The following CEP128 variants were observed in gnomAD, a reference collection of about 807,000 sequenced individuals.
CEP128 encodes the protein centrosomal protein 128, also known as centrosomal protein 128kDa.
Under a neutral mutation model 156.7 loss-of-function variants are expected in CEP128, and 132 were observed. The ratio of observed to expected loss-of-function variants is 0.84; its 90% CI spans 0.73 to 0.97. CEP128 has a LOEUF of 0.97. Among genes scored for constraint, CEP128 ranks in the 50% least tolerant of loss-of-function variants. CEP128 has a pLI of 0.00. For synonymous variants in CEP128, 469 were observed against 448.9 expected (o/e 1.04, Z -0.57); for missense variants, 1,252 against 1,281.9 (o/e 0.98, Z 0.36).
intron 8 of CEP128, among the ~76,000 whole-genome samples, chr14:80,895,284 C>A (rs1889292947): frequency 6.6e-6 from 1 of 152,000 alleles, no homozygotes. Flanking sequence ...GTCTTTGTAG[C>A]AATTGTAATT....
chr14:80,530,498 G>A (rs1889175398), intron 22 of CEP128, among the ~76,000 whole-genome samples: 1 of 152,196 alleles, frequency 6.6e-6, no homozygotes, highest in Non-Finnish European at 1.5e-5. Flanking sequence ...GTTATCTATT[G>A]TCAGTGTAAT....
intron 22 of CEP128, among the ~76,000 whole-genome samples, chr14:80,528,440 C>T (rs535450106): frequency 1.3e-5 from 2 of 152,322 alleles, no homozygotes; most frequent in South Asian, 4.1e-4. Context: ...AGGCATGTGC[C>T]ATCACGCCCA....
intron 8 of CEP128, among the ~76,000 whole-genome samples, chr14:80,882,177 C>T (rs1474655503): frequency 3.3e-5 from 5 of 151,064 alleles, no homozygotes; most frequent in Non-Finnish European, 7.4e-5. Flanking sequence ...ATTCATCTGA[C>T]AATAAATTAA....
intron 1 of CEP128, among the ~76,000 whole-genome samples, chr14:80,958,610 G>GA (rs1175176215): frequency 1.3e-5 from 2 of 152,132 alleles, no homozygotes; most frequent in Non-Finnish European, 2.9e-5. Context: ...AGAGAGGCAA[G>GA]GAGGACAAGA....
intron 19 of CEP128, among the ~76,000 whole-genome samples, chr14:80,613,158 T>C (rs1893067486): frequency 1.3e-5 from 2 of 151,758 alleles, no homozygotes; most frequent in South Asian, 4.2e-4. Flanking sequence ...GCCCGGCCCA[T>C]TGCTCTTCCA....
chr14:80,884,416 AC>A (rs756224542), intron 8 of CEP128, among the ~76,000 whole-genome samples: 20 of 152,212 alleles, frequency 1.3e-4, no homozygotes, highest in Non-Finnish European at 2.1e-4. Flanking sequence ...AGAAAGGCCA[AC>A]ACAGAAGGTG....
intron 19 of CEP128, among the ~76,000 whole-genome samples, chr14:80,613,041 A>C (rs1595088854): frequency 7.2e-6 from 1 of 139,276 alleles, no homozygotes; most frequent in Admixed American, 7.3e-5. Flanking sequence ...ATTTTAGTAG[A>C]GACGGGGTTT....
chr14:80,567,125 C>T (rs1175499638), intron 20 of CEP128, among the ~76,000 whole-genome samples: 1 of 152,116 alleles, frequency 6.6e-6, no homozygotes, highest in Non-Finnish European at 1.5e-5. Flanking sequence ...TCATTTACTA[C>T]TATTGCCTTG....
At chr14:80,782,186 C>T (rs1020252397) in intron 15 of CEP128, among the ~76,000 whole-genome samples, 9 of 152,144 alleles carry the variant, frequency 5.9e-5, no homozygotes, top group Non-Finnish European at 1.2e-4. Flanking sequence ...GGCATGTGAC[C>T]AATTAATGCC....
At chr14:80,560,543 T>G (rs2140371476) in intron 20 of CEP128, among the ~76,000 whole-genome samples, 1 of 152,340 alleles carries the variant, frequency 6.6e-6, no homozygotes, top group East Asian at 1.9e-4. Context: ...TCAACTTGAC[T>G]GTATACACGG....
intron 20 of CEP128, among the ~76,000 whole-genome samples, chr14:80,566,035 T>C (rs944973710): frequency 2.0e-5 from 3 of 152,228 alleles, no homozygotes; most frequent in Non-Finnish European, 2.9e-5. Flanking sequence ...AGAATAATTC[T>C]GGCAACTTCT....
upstream of CEP128, among the ~76,000 whole-genome samples, chr14:80,944,311 AG>A (rs980532810): frequency 2.0e-5 from 3 of 152,036 alleles, no homozygotes; most frequent in Admixed American, 2.0e-4. Flanking sequence ...ATGTTGGGGG[AG>A]GAACCTTGTG....
chr14:80,689,081 G>A (rs755826545), intron 19 of CEP128, among the ~76,000 whole-genome samples: 4 of 151,850 alleles, frequency 2.6e-5, no homozygotes, highest in Non-Finnish European at 4.4e-5. Context: ...GTATCTTTAC[G>A]GCTAGGCGCA....
At chr14:80,638,203 C>G (rs1177183250) in intron 19 of CEP128, among the ~76,000 whole-genome samples, 1 of 152,100 alleles carries the variant, frequency 6.6e-6, no homozygotes, top group Admixed American at 6.5e-5. Flanking sequence ...AAATAAAGAA[C>G]AATGAATGGC....
chr14:80,727,583 A>C (rs141045883), intron 19 of CEP128, among the ~76,000 whole-genome samples: 1,718 of 152,304 alleles, frequency 0.011, 17 homozygotes, highest in Non-Finnish European at 0.015. Context: ...ATCAACAAAC[A>C]GACAACCTAC....
chr14:80,846,126 T>C (rs1424635176), intron 9 of CEP128, among the ~76,000 whole-genome samples: 1 of 152,164 alleles, frequency 6.6e-6, no homozygotes, highest in Non-Finnish European at 1.5e-5. Context: ...ACAATGACAA[T>C]ATTGGCAAGA....
At chr14:80,762,115 T>C (rs1900000300) in intron 16 of CEP128, among the ~76,000 whole-genome samples, 1 of 152,102 alleles carries the variant, frequency 6.6e-6, no homozygotes, top group South Asian at 2.1e-4. Context: ...TGCAATTGCA[T>C]TTACCACATA....
intron 19 of CEP128, among the ~76,000 whole-genome samples, chr14:80,621,232 T>C (rs1595102131): frequency 6.6e-6 from 1 of 152,304 alleles, no homozygotes; most frequent in East Asian, 1.9e-4. Flanking sequence ...AAGAAAAGCT[T>C]AGTTAGTTGG....
At chr14:80,807,924 T>C (rs557306520) in intron 13 of CEP128, among the ~76,000 whole-genome samples, 26 of 152,204 alleles carry the variant, frequency 1.7e-4, no homozygotes, top group Admixed American at 1.4e-3. Context: ...AACCCAAAGA[T>C]AGTGCAGGGT....
Sources: gnomAD v4.1 joint callset for allele counts (sites outside exome capture counted in the v4.1 genomes callset) on GRCh38, gnomAD v4.1.1 for gene constraint, MANE v1.5 for transcripts, NCBI Gene and HGNC (gene_info 2026-07-23, HGNC 2026-07-21) for gene names.